The following ZRSR2 variants were observed in gnomAD, a reference collection of about 807,000 sequenced individuals.
ZRSR2 encodes the protein zinc finger CCCH-type, RNA binding motif and serine/arginine rich 2.
Under a neutral mutation model 39.4 loss-of-function variants are expected in ZRSR2, and 3 were observed. The observed-to-expected ratio is 0.08, with a 90% CI of 0.03 to 0.20. ZRSR2 has a LOEUF of 0.20. ZRSR2 is among the 10% of genes least tolerant of loss of function. ZRSR2 has a pLI of 1.00. For synonymous variants in ZRSR2, 137 were observed against 136.0 expected (o/e 1.01, Z -0.05); for missense variants, 256 against 391.5 (o/e 0.65, Z 2.92).
intron 5 of ZRSR2, among the ~76,000 whole-genome samples, chrX:15,807,140 T>C (rs774534743): frequency 7.1e-4 from 79 of 112,041 alleles, no homozygotes; most frequent in African/African-American, 2.5e-3. Flanking sequence ...TAGGTAGAAA[T>C]TTACTGGCAT....
At position 15,790,930 on chromosome X, in the gene ZRSR2, C is replaced by G; in HGVS notation, c.42-4C>G. 8.3e-7 allele frequency: 1 copy of G among 1,209,805 alleles called. No homozygotes were observed. The highest frequency in any genetic ancestry group is 1.1e-6 in the Non-Finnish European group (1 of 893,907). On this transcript the variant is annotated splice_polypyrimidine_tract_variant and splice_region_variant and intron_variant, in intron 1 of 10. Coordinates refer to ENST00000307771, the MANE Select transcript of ZRSR2 (RefSeq NM_005089.4). ...ATCGTCGTGTATATGTCTTAATCTT[C>G]CAGCCACAAAAAGTACAGGGCCGCC...
intron 7 of ZRSR2, among the ~76,000 whole-genome samples, chrX:15,811,638 G>A (rs780017149): frequency 4.1e-4 from 46 of 112,283 alleles, no homozygotes; most frequent in Non-Finnish European, 7.1e-4. Flanking sequence ...ATGTTGGCCA[G>A]GATGGTCTCG....
chrX:15,820,465 C>CCA (rs1225279701), intron 10 of ZRSR2, 149 bp downstream of exon 10: 1 of 487,714 alleles, frequency 2.1e-6, no homozygotes, highest in Non-Finnish European at 3.5e-6. Flanking sequence ...ATAAAGAACA[C>CCA]CACAGTTTAG....
Position 15,808,252 on chromosome X carries a change from T to G in ZRSR2, c.419T>G (p.Leu140Arg), listed in dbSNP as rs201705841. 1 of 1,206,029 alleles carries G rather than the reference T, an allele frequency of 8.3e-7. No individual in the cohort carries two copies. The highest frequency in any genetic ancestry group is 3.0e-5 in the East Asian group (1 of 33,797). Residue 140 changes from leucine to arginine, a missense_variant, in exon 6 of 11, where the codon CTG becomes CGG. Transcript: ENST00000307771. ...TTTTAGGAAGCTTTGCAGAAGATGC[T>G]GGATCAGGCTGAAAATGAGGTATTT... ...KEKEEALQKM[L>R]DQAENELENG...
intron 7 of ZRSR2, among the ~76,000 whole-genome samples, chrX:15,813,576 A>C (rs1212691415): frequency 8.9e-6 from 1 of 112,343 alleles, no homozygotes; most frequent in Non-Finnish European, 1.9e-5. Context: ...CCAGACAGGG[A>C]CTTTGGTTCT....
chrX:15,798,583 C>T (rs1324488678), intron 2 of ZRSR2, among the ~76,000 whole-genome samples: 1 of 111,470 alleles, frequency 9.0e-6, no homozygotes, highest in Non-Finnish European at 1.9e-5. Flanking sequence ...AGAATAAGGA[C>T]ATTCTCCCGC....
chrX:15,796,904 C>A (rs1046472383), intron 2 of ZRSR2, among the ~76,000 whole-genome samples: 2 of 101,259 alleles, frequency 2.0e-5, no homozygotes, highest in Non-Finnish European at 3.9e-5. Flanking sequence ...AGCAATTCTC[C>A]TGCCTCAGCT....
chrX:15,819,342 A>G (rs1933046991), intron 9 of ZRSR2, among the ~76,000 whole-genome samples: 1 of 109,639 alleles, frequency 9.1e-6, no homozygotes, highest in South Asian at 3.9e-4. Context: ...GCGTGGTGGC[A>G]GGCACCTGTA....
intron 7 of ZRSR2, among the ~76,000 whole-genome samples, chrX:15,813,913 G>A (rs1345806475): frequency 9.0e-6 from 1 of 110,624 alleles, no homozygotes; most frequent in Non-Finnish European, 1.9e-5. Context: ...GTGTATGCTG[G>A]GCATTCTGTA....
At position 15,823,216 on chromosome X, in the gene ZRSR2, A is replaced by G; in HGVS notation, c.1423A>G (p.Thr475Ala). The G allele has an allele frequency of 8.5e-7, 1 of 1,170,177 alleles. No homozygotes were observed. Among genetic ancestry groups the G allele is most frequent in the Non-Finnish European group, 1.1e-6 (1 of 876,843 alleles). Residue 475 changes from threonine to alanine, a missense_variant, in exon 11 of 11, where the codon ACT becomes GCT. Coordinates refer to ENST00000307771, the MANE Select transcript of ZRSR2 (RefSeq NM_005089.4). ...GRRRSGNRDR[T>A]VQSPKSK ...GAGGAGGTCGGGTAATAGAGACAGA[A>G]CTGTTCAGAGTCCCAAATCCAAATA... is the stretch of plus-strand genomic sequence containing the variant.
In ZRSR2 at chrX:15,803,783, A is replaced by C. The variant is rs1299665122; in HGVS notation, c.299A>C (p.Gln100Pro). The change falls in exon 4 of 11, where the codon CAA (glutamine) becomes CCA (proline). Residue 100 changes from glutamine (Q) to proline (P), a missense_variant. This residue lies in a region of ZRSR2 where 87 missense variants were observed against 111.7 expected (regional missense o/e 0.78). Transcript: ENST00000307771. ...KEKEEAAKKR[Q>P]EEQERKLKEQ... Reference sequence around the variant, plus strand: ...AAGGAAGAGGCGGCTAAAAAACGGCAAGAAGAACAAGAGGTATGGTAGGAA... The same window carrying C: ...AAGGAAGAGGCGGCTAAAAAACGGCCAGAAGAACAAGAGGTATGGTAGGAA... The C allele has an allele frequency of 8.4e-7, 1 of 1,190,397 alleles. No individual in the cohort carries two copies. The highest frequency in any genetic ancestry group is 2.3e-5 in the Admixed American group (1 of 43,081).
chrX:15,799,587 T>C (rs1403758383), intron 2 of ZRSR2, among the ~76,000 whole-genome samples: 1 of 109,244 alleles, frequency 9.2e-6, no homozygotes, highest in Non-Finnish European at 1.9e-5. Context: ...CCCGAGTAGC[T>C]GGGATTACAG....
rs1485234211 is a variant in ZRSR2 at position 15,815,933 on chromosome X, G to A, written c.771+43G>A. 1.6e-5 allele frequency: 18 copies of A among 1,093,592 alleles called. No homozygotes were observed. In the South Asian group the frequency reaches 4.0e-4, roughly 24 times the overall value. The allele number at this position is 1,093,592 out of a possible 1,213,427, so 90.1% of individuals were successfully genotyped here. ...GGAGGGGACTGGTTTGCTTCACCCT[G>A]CAGTACTTAATGGCACAAGAGAGCT... On this transcript the variant is annotated intron_variant, in intron 8 of 10. Coordinates refer to ENST00000307771, the MANE Select transcript of ZRSR2 (RefSeq NM_005089.4).
At chrX:15,813,930 A>G (rs940805035) in intron 7 of ZRSR2, among the ~76,000 whole-genome samples, 1 of 111,183 alleles carries the variant, frequency 9.0e-6, no homozygotes, top group Admixed American at 9.6e-5. Flanking sequence ...TGTAAGCATT[A>G]TCTCAGTAGG....
Position 15,820,229 on chromosome X carries a change from C to T in ZRSR2, c.850C>T (p.Leu284Phe), listed in dbSNP as rs1469383384. 8.3e-7 allele frequency: 1 copy of T among 1,210,787 alleles called. No homozygotes were observed. The highest frequency in any genetic ancestry group is 1.8e-5 in the South Asian group (1 of 56,853). The change falls in exon 10 of 11, where the codon CTT (leucine) becomes TTT (phenylalanine). Residue 284 changes from leucine (L) to phenylalanine (F), a missense_variant. Physicochemically the swap from Leu to Phe is conservative, Grantham distance 22. Transcript: ENST00000307771. ...YQSEEECQAA[L>F]SLFNGRWYAG... is the part of the protein sequence containing the mutation. ...AAGGGAAGAAGAATGCCAAGCAGCC[C>T]TTTCTCTGTTTAACGGACGATGGTA...
At chrX:15,793,220 T>G (rs1221243579) in intron 2 of ZRSR2, among the ~76,000 whole-genome samples, 7 of 112,471 alleles carry the variant, frequency 6.2e-5, no homozygotes, top group Admixed American at 1.9e-4. Context: ...AAATTTGTTT[T>G]AACTTCTTTC....
intron 8 of ZRSR2, 110 bp downstream of exon 8, chrX:15,816,000 T>C: frequency 1.9e-6 from 1 of 526,292 alleles, no homozygotes; most frequent in East Asian, 3.8e-5. Flanking sequence ...TAGCACTCTA[T>C]AAATGTGACT....
At chrX:15,803,890 C>T (rs5936060) in intron 4 of ZRSR2, 94 bp downstream of exon 4, 407,052 of 1,108,255 alleles carry the variant, frequency 0.37, 51,759 homozygotes, top group South Asian at 0.42. Context: ...TTGGAGTGAG[C>T]TGAGATCACG....
chrX:15,814,617 A>G (rs1932935009), intron 7 of ZRSR2, among the ~76,000 whole-genome samples: 1 of 111,875 alleles, frequency 8.9e-6, no homozygotes, highest in South Asian at 3.7e-4. Context: ...GTAACAGAAC[A>G]AGACCCTGTC....
Sources: allele counts gnomAD v4.1 joint callset (sites outside exome capture counted in the v4.1 genomes callset), GRCh38; gene constraint gnomAD v4.1.1; regional missense constraint gnomAD v4.1.1; transcripts MANE v1.5; gene names NCBI Gene and HGNC (gene_info 2026-07-23, HGNC 2026-07-21).